FAM234B: variants seen among roughly 807,000 people sequenced by gnomAD.
The protein encoded by FAM234B is protein FAM234B.
Under a neutral mutation model 69.3 loss-of-function variants are expected in FAM234B, and 33 were observed. The observed-to-expected ratio is 0.48, with a 90% CI of 0.36 to 0.64. The LOEUF (loss-of-function observed/expected upper bound fraction) is 0.64. Ranked by LOEUF, FAM234B falls within the 30% of genes least tolerant of loss-of-function variation. The pLI, the probability that FAM234B is intolerant of heterozygous loss-of-function variation, is 0.00. For synonymous variants in FAM234B, 306 were observed against 306.9 expected (o/e 1.00, Z 0.03); for missense variants, 697 against 769.7 (o/e 0.91, Z 1.12).
intron 9 of FAM234B, among the ~76,000 whole-genome samples, chr12:13,070,960 T>C (rs1865098891): frequency 2.6e-5 from 4 of 152,182 alleles, no homozygotes; most frequent in Admixed American, 2.6e-4. Flanking sequence ...TTTTCTCACC[T>C]GTAAAATGGG....
chr12:13,073,874 G>A (rs1363164812), intron 10 of FAM234B, among the ~76,000 whole-genome samples: 2 of 152,170 alleles, frequency 1.3e-5, no homozygotes, highest in African/African-American at 4.8e-5. Context: ...GCCATTGTGG[G>A]TTTAATCTCC....
Position 13,067,456 on chromosome 12 carries a change from A to G in FAM234B, c.1142+160A>G, listed in dbSNP as rs1865052875. Among the ~76,000 whole-genome samples the G allele has an allele frequency of 6.6e-6, 1 of 152,266 alleles. No homozygotes were observed. The highest frequency in any genetic ancestry group is 6.5e-5 in the Admixed American group (1 of 15,290). On this transcript the variant is annotated intron_variant, in intron 7 of 12. Transcript: ENST00000197268. The surrounding 1 kb of genome is among the most constrained non-coding windows in gnomAD (Gnocchi z 4.7). Reference sequence around the variant, plus strand: ...TCTTCTGATCTGGTTAACATGAGTTAGAAATTTTCTTCTCTTGGTAACATA... The same window carrying G: ...TCTTCTGATCTGGTTAACATGAGTTGGAAATTTTCTTCTCTTGGTAACATA...
At chr12:13,053,881 C>G (rs957976160) in intron 1 of FAM234B, among the ~76,000 whole-genome samples, 1 of 152,128 alleles carries the variant, frequency 6.6e-6, no homozygotes, top group African/African-American at 2.4e-5. Flanking sequence ...AGACCTCCCC[C>G]CAGGAATGCA....
At chr12:13,073,103 G>A (rs936514830) in intron 10 of FAM234B, among the ~76,000 whole-genome samples, 1 of 151,866 alleles carries the variant, frequency 6.6e-6, no homozygotes, top group South Asian at 2.1e-4. Context: ...TAAAGCTTTG[G>A]CTTTCTCAAA....
chr12:13,079,745 G>A (rs375069352), intron 11 of FAM234B, 44 bp from the exon 12 acceptor site: 57 of 1,206,094 alleles, frequency 4.7e-5, no homozygotes, highest in Admixed American at 7.0e-5. Context: ...GTTAGTGGAC[G>A]GTATGTGTCC....
chr12:13,057,801 G>T (rs1864946982), intron 2 of FAM234B, among the ~76,000 whole-genome samples: 1 of 152,146 alleles, frequency 6.6e-6, no homozygotes, highest in African/African-American at 2.4e-5. Flanking sequence ...CCTTGTTGAT[G>T]CTAGTTGGGG....
Position 13,066,699 on chromosome 12 carries a change from G to A in FAM234B, c.912G>A (p.Val304=), listed in dbSNP as rs1453916364. The A allele has an allele frequency of 6.2e-7, 1 of 1,614,064 alleles. No individual in the cohort carries two copies. Reference sequence around the variant, plus strand: ...CCGGAAATCCAGTGGGTCGACCTGTGAAGTACAACATCGTTGGAGTTGGGA... The same window carrying A: ...CCGGAAATCCAGTGGGTCGACCTGTAAAGTACAACATCGTTGGAGTTGGGA... ...GRTGNPVGRP[V]KYNIVGVGNL... The change falls in exon 6 of 13, where the codon GTG becomes GTA. Residue 304 remains valine (V), a synonymous_variant. Coordinates refer to ENST00000197268, the MANE Select transcript of FAM234B (RefSeq NM_020853.2).
chr12:13,064,809 G>T (rs1361183460), intron 5 of FAM234B, among the ~76,000 whole-genome samples: 2 of 152,048 alleles, frequency 1.3e-5, no homozygotes, highest in African/African-American at 4.8e-5. Context: ...CTCCTGAGAT[G>T]GAAGACTCTC....
chr12:13,052,201 A>C (rs1170428536), intron 1 of FAM234B, among the ~76,000 whole-genome samples: 1 of 152,136 alleles, frequency 6.6e-6, no homozygotes, highest in Non-Finnish European at 1.5e-5. Flanking sequence ...AAAATTCTTG[A>C]ATCAGTGTAA....
At position 13,080,735 on chromosome 12, in the gene FAM234B, C is replaced by T. The variant is rs561152757; in HGVS notation, c.*105C>T. The T allele has an allele frequency of 4.3e-6, 4 of 935,122 alleles. No homozygotes were observed. The highest frequency in any genetic ancestry group is 4.3e-4 in the Middle Eastern group (2 of 4,644). 57.9% of individuals were successfully genotyped at this position (935,122 alleles called of 1,614,324 possible). A position where few individuals can be genotyped will look rare whatever the true frequency, so the allele number is the denominator to read the frequency against. ...TATGGAGAGAAGACTTCTTCGTCCTCATTTACCACCTCCCTGATGGTTGCA... is the reference window on the plus strand; with the variant it reads ...TATGGAGAGAAGACTTCTTCGTCCTTATTTACCACCTCCCTGATGGTTGCA... On this transcript the variant is annotated 3_prime_UTR_variant, in exon 13 of 13. Transcript: ENST00000197268.
In FAM234B at chr12:13,067,342, C is replaced by T. The variant is rs1210882950; in HGVS notation, c.1142+46C>T. On this transcript the variant is annotated intron_variant, in intron 7 of 12. Coordinates refer to ENST00000197268, the MANE Select transcript of FAM234B (RefSeq NM_020853.2). The surrounding 1 kb of genome is among the most constrained non-coding windows in gnomAD (Gnocchi z 4.7). ...TGGTCACAGTGAGATCTCTTGTGAACTCACATGCCTTTGAGTCTCTAAGTT... is the reference window on the plus strand; with the variant it reads ...TGGTCACAGTGAGATCTCTTGTGAATTCACATGCCTTTGAGTCTCTAAGTT... 6 of 1,605,988 alleles carry T rather than the reference C, an allele frequency of 3.7e-6. No homozygotes were observed. In the Admixed American group the frequency reaches 6.7e-5, roughly 18 times the overall value.
chr12:13,071,067 T>TG (rs761329419), intron 9 of FAM234B, among the ~76,000 whole-genome samples, 174 bp from the exon 10 acceptor site: 49 of 152,354 alleles, frequency 3.2e-4, no homozygotes, highest in Non-Finnish European at 5.9e-4. Context: ...GCCTGGGGCC[T>TG]GGTCCTTAGC....
chr12:13,068,174 T>C, intron 7 of FAM234B, 130 bp from the exon 8 acceptor site: 2 of 842,958 alleles, frequency 2.4e-6, no homozygotes, highest in South Asian at 1.7e-5. Context: ...TCCCACTTGA[T>C]GAGATAATGG....
chr12:13,054,923 C>T (rs1864912944), intron 1 of FAM234B, among the ~76,000 whole-genome samples: 1 of 152,172 alleles, frequency 6.6e-6, no homozygotes, highest in East Asian at 1.9e-4. Context: ...CTCAGAAGAG[C>T]AGTTTTTGGG....
intron 1 of FAM234B, among the ~76,000 whole-genome samples, chr12:13,047,642 T>C (rs1485732659): frequency 1.3e-5 from 2 of 152,220 alleles, no homozygotes; most frequent in Non-Finnish European, 2.9e-5. Context: ...GGAAAAGCAA[T>C]AGCTGTGGAA....
At chr12:13,071,737 G>A (rs1865109425) in intron 10 of FAM234B, among the ~76,000 whole-genome samples, 1 of 152,060 alleles carries the variant, frequency 6.6e-6, no homozygotes, top group African/African-American at 2.4e-5. Context: ...ATTATGACTG[G>A]TCTGAAGTGG....
At chr12:13,046,628 T>C (rs1382625053) in intron 1 of FAM234B, among the ~76,000 whole-genome samples, 1 of 152,060 alleles carries the variant, frequency 6.6e-6, no homozygotes, top group Non-Finnish European at 1.5e-5. Flanking sequence ...GCCCAGCTAA[T>C]TTTGTATTTT....
intron 2 of FAM234B, 120 bp from the exon 3 acceptor site, chr12:13,058,331 T>C: frequency 1.3e-6 from 1 of 762,152 alleles, no homozygotes; most frequent in Non-Finnish European, 2.4e-6. Flanking sequence ...GGGAGAGGTG[T>C]GTCTACTATA....
chr12:13,056,064 C>A, intron 2 of FAM234B, 118 bp downstream of exon 2: 1 of 1,074,282 alleles, frequency 9.3e-7, no homozygotes, highest in Non-Finnish European at 1.3e-6. Context: ...CCCCACCCTG[C>A]CGTCCCCACT....
Sources: gnomAD v4.1 joint callset for allele counts (sites outside exome capture counted in the v4.1 genomes callset) on GRCh38, gnomAD v4.1.1 for gene constraint, Gnocchi (gnomAD v3.1) non-coding constraint, MANE v1.5 for transcripts, NCBI Gene and HGNC (gene_info 2026-07-23, HGNC 2026-07-21) for gene names.